DNAI2: variants seen among roughly 807,000 people sequenced by gnomAD.
The protein encoded by DNAI2 is dynein axonemal intermediate chain 2.
Under a neutral mutation model 74.7 loss-of-function variants are expected in DNAI2, and 63 were observed. The observed-to-expected ratio is 0.84, with a 90% CI of 0.69 to 1.04. The LOEUF is 1.04. DNAI2 is among the 50% of genes least tolerant of loss of function. DNAI2 has a pLI of 0.00. For missense variants in DNAI2, 688 were observed against 803.2 expected, an observed-to-expected ratio of 0.86 and a Z score of 1.73; for synonymous variants, 289 against 314.9, an observed-to-expected ratio of 0.92 and a Z score of 0.87.
At chr17:74,274,704 G>A (rs1315526684) in intron 1 of DNAI2, among the ~76,000 whole-genome samples, 1 of 152,174 alleles carries the variant, frequency 6.6e-6, no homozygotes, top group African/African-American at 2.4e-5. Flanking sequence ...AACAGCCTCC[G>A]GCTAGGGTGA....
At chr17:74,298,043 G>A (rs1017830600) in intron 6 of DNAI2, among the ~76,000 whole-genome samples, 24 of 152,168 alleles carry the variant, frequency 1.6e-4, no homozygotes, top group African/African-American at 3.1e-4. Flanking sequence ...TCCCATAAAC[G>A]TCCCTGCCAA....
intron 9 of DNAI2, among the ~76,000 whole-genome samples, chr17:74,308,449 A>T (rs761194398): frequency 4.6e-5 from 7 of 152,098 alleles, no homozygotes; most frequent in African/African-American, 7.2e-5. Context: ...GTCCAGCAAC[A>T]CGTGCCTGCT....
At chr17:74,299,633 G>A (rs1598312903) in intron 6 of DNAI2, 85 bp from the exon 7 acceptor site, 2 of 1,576,934 alleles carry the variant, frequency 1.3e-6, no homozygotes, top group East Asian at 2.2e-5. Context: ...ACCAGAAGCA[G>A]CAGCCCCCTC....
chr17:74,283,669 A>C (rs1375594629), intron 2 of DNAI2, among the ~76,000 whole-genome samples: 1 of 152,130 alleles, frequency 6.6e-6, no homozygotes, highest in East Asian at 1.9e-4. Flanking sequence ...AAAAGAAGGC[A>C]GAGGCGAGAG....
chr17:74,276,577 A>G (rs914725802), intron 1 of DNAI2, among the ~76,000 whole-genome samples: 3 of 152,138 alleles, frequency 2.0e-5, no homozygotes, highest in African/African-American at 7.2e-5. Flanking sequence ...CTAGCTTGTG[A>G]GAAGAGCTTG....
intron 1 of DNAI2, among the ~76,000 whole-genome samples, chr17:74,274,711 G>A (rs1253138379): frequency 6.6e-6 from 1 of 152,216 alleles, no homozygotes; most frequent in African/African-American, 2.4e-5. Flanking sequence ...TCCGGCTAGG[G>A]TGATGGGAAG....
chr17:74,305,412 A>G lies in DNAI2; in HGVS notation c.1181A>G (p.Asp394Gly). 6.2e-7 allele frequency: 1 copy of G among 1,614,166 alleles called. No individual in the cohort carries two copies. ...TGGACAGCCCGCATTTGGTCTGAAGACAGCCGGGAATCGTCCATCATGTGG... is the reference window on the plus strand; with the variant it reads ...TGGACAGCCCGCATTTGGTCTGAAGGCAGCCGGGAATCGTCCATCATGTGG... ...GDWTARIWSE[D>G]SRESSIMWTK... Residue 394 changes from aspartate to glycine, a missense_variant, in exon 9 of 14, where the codon GAC (aspartate) becomes GGC (glycine). By Grantham distance (94) the Asp-to-Gly change is moderately conservative (BLOSUM62 -1). Transcript: ENST00000311014.
chr17:74,303,637 G>T (rs2052991853), intron 8 of DNAI2, among the ~76,000 whole-genome samples: 1 of 142,832 alleles, frequency 7.0e-6, no homozygotes. Flanking sequence ...CTCTTGCCCA[G>T]GCTGGAGTGC....
At chr17:74,285,879 G>C (rs1442455525) in intron 3 of DNAI2, among the ~76,000 whole-genome samples, 1 of 151,952 alleles carries the variant, frequency 6.6e-6, no homozygotes, top group East Asian at 1.9e-4. Context: ...TTGCAATAAA[G>C]GGGAGGGCAT....
intron 2 of DNAI2, among the ~76,000 whole-genome samples, chr17:74,282,501 A>C (rs1300293822): frequency 6.6e-6 from 1 of 152,144 alleles, no homozygotes; most frequent in Non-Finnish European, 1.5e-5. Context: ...AGGTTTTGCC[A>C]TGTTGCCCAG....
chr17:74,275,780 C>T (rs2143829500), intron 1 of DNAI2, among the ~76,000 whole-genome samples: 1 of 152,074 alleles, frequency 6.6e-6, no homozygotes, highest in East Asian at 1.9e-4. Flanking sequence ...GTCTCAGCTA[C>T]TCAGGAGACT....
intron 12 of DNAI2, among the ~76,000 whole-genome samples, chr17:74,312,894 C>T (rs750572110): frequency 1.3e-5 from 2 of 152,138 alleles, no homozygotes; most frequent in Non-Finnish European, 2.9e-5. Context: ...CTCCTTCAGG[C>T]CCCACAGATA....
chr17:74,289,723 C>T lies in DNAI2; in HGVS notation c.597C>T (p.Tyr199=). ...RAPVGMSSDS[Y]IWDLENPNKP... is the part of the protein sequence containing the mutation. ...CTGTGGGCATGAGCAGCGATTCATA[C>T]ATCTGGGACCTGGGTGAGAAGCAGC... Residue 199 remains tyrosine, a synonymous_variant, in exon 5 of 14, where the codon TAC becomes TAT. Coordinates refer to ENST00000311014, the MANE Select transcript of DNAI2 (RefSeq NM_023036.6). 6.2e-7 allele frequency: 1 copy of T among 1,613,970 alleles called. No homozygotes were observed. Among genetic ancestry groups the T allele is most frequent in the Non-Finnish European group, 8.5e-7 (1 of 1,180,002 alleles).
chr17:74,285,038 A>G lies in DNAI2; in HGVS notation c.184-2A>G, dbSNP rs1270069644. ...TCTTCCCTCCTGCGGCTCTCTGTTT[A>G]GGCCAACTCAGAGCGGTTTGAGATG... On this transcript the variant is annotated splice_acceptor_variant, in intron 2 of 13. Transcript: ENST00000311014. LOFTEE classifies it high-confidence loss of function. The G allele has an allele frequency of 6.2e-7, 1 of 1,614,170 alleles. No homozygotes were observed. Among genetic ancestry groups the G allele is most frequent in the South Asian group, 1.1e-5 (1 of 91,086 alleles).
At chr17:74,274,926 A>G (rs761835518) in intron 1 of DNAI2, among the ~76,000 whole-genome samples, 3 of 152,172 alleles carry the variant, frequency 2.0e-5, no homozygotes, top group Non-Finnish European at 2.9e-5. Flanking sequence ...CTCAAGGTCA[A>G]GGTTTACCAC....
chr17:74,281,730 C>T (rs2143872258), intron 1 of DNAI2, 77 bp from the exon 2 acceptor site: 1 of 1,439,422 alleles, frequency 6.9e-7, no homozygotes, highest in African/African-American at 1.4e-5. Flanking sequence ...GAACCTGGAG[C>T]TGTCCTGGCA....
intron 3 of DNAI2, among the ~76,000 whole-genome samples, 193 bp from the exon 4 acceptor site, chr17:74,286,784 A>G (rs1250356427): frequency 1.3e-5 from 2 of 152,154 alleles, no homozygotes; most frequent in Non-Finnish European, 2.9e-5. Context: ...ATGTATTTCC[A>G]TGCTTTGTAC....
Position 74,281,838 on chromosome 17 carries a change from C to T in DNAI2, c.21C>T (p.Tyr7=), listed in dbSNP as rs764381446. The T allele has an allele frequency of 3.3e-5, 53 of 1,613,858 alleles. No individual in the cohort carries two copies. The highest frequency in any genetic ancestry group is 4.2e-5 in the Non-Finnish European group (50 of 1,180,032). Reference sequence around the variant, plus strand: ...GCACCATGGAGATTGTGTACGTGTACGTCAAGAAGCGCAGCGAGTTCGGGA... The same window carrying T: ...GCACCATGGAGATTGTGTACGTGTATGTCAAGAAGCGCAGCGAGTTCGGGA... MEIVYV[Y]VKKRSEFGKQ... is the part of the protein sequence containing the mutation. The change falls in exon 2 of 14, where the codon TAC becomes TAT. Residue 7 remains tyrosine, a synonymous_variant. Transcript: ENST00000311014.
chr17:74,279,304 A>G (rs1280517258), intron 1 of DNAI2, among the ~76,000 whole-genome samples: 1 of 152,238 alleles, frequency 6.6e-6, no homozygotes, highest in Admixed American at 6.5e-5. Context: ...TAATTTAATT[A>G]TACATTTAAA....
Sources: gnomAD v4.1 joint callset for allele counts (sites outside exome capture counted in the v4.1 genomes callset) on GRCh38, gnomAD v4.1.1 for gene constraint, MANE v1.5 for transcripts, NCBI Gene and HGNC (gene_info 2026-07-23, HGNC 2026-07-21) for gene names.